Variants in RDH11 observed in about 807,000 individuals in gnomAD.
RDH11 encodes retinol dehydrogenase 11.
A neutral mutation model predicts 33.4 loss-of-function variants in RDH11; 19 were observed. That is an observed-to-expected ratio of 0.57 (90% CI 0.40 to 0.83). RDH11 has a LOEUF of 0.83. Ranked by LOEUF, RDH11 falls within the 40% of genes least tolerant of loss-of-function variation. RDH11 has a pLI of 0.00. For synonymous variants in RDH11, 154 were observed against 155.3 expected, an observed-to-expected ratio of 0.99 and a Z score of 0.06; for missense variants, 353 against 389.0, an observed-to-expected ratio of 0.91 and a Z score of 0.78.
chr14:67,687,090 T>A, intron 5 of RDH11, among the ~76,000 whole-genome samples: 1 of 152,316 alleles, frequency 6.6e-6, no homozygotes, highest in East Asian at 1.9e-4. Context: ...ACCTAAAGCA[T>A]GCATCTCCAG....
intron 6 of RDH11, among the ~76,000 whole-genome samples, chr14:67,681,715 G>A (rs568746393): frequency 6.6e-6 from 1 of 152,272 alleles, no homozygotes; most frequent in African/African-American, 2.4e-5. Flanking sequence ...CCAGGAGGCG[G>A]AGGTTGCAGT....
chr14:67,688,610 T>C (rs997103140), intron 5 of RDH11, among the ~76,000 whole-genome samples: 1 of 151,702 alleles, frequency 6.6e-6, no homozygotes, highest in African/African-American at 2.4e-5. Context: ...TTTTTTTTTT[T>C]TTTTGGTAGA....
intron 6 of RDH11, 120 bp downstream of exon 6, chr14:67,684,895 G>C: frequency 5.7e-6 from 4 of 706,852 alleles, no homozygotes; most frequent in South Asian, 2.5e-5. Flanking sequence ...AAAAACTCTA[G>C]AGTTAAAAGA....
At position 67,693,949 on chromosome 14, in the gene RDH11, C is replaced by T. The variant is rs557649979; in HGVS notation, c.75-897G>A. On this transcript the variant is annotated intron_variant, in intron 1 of 6. Coordinates refer to ENST00000381346, the MANE Select transcript of RDH11 (RefSeq NM_016026.4). ...TACAGGTGTGAGTCACCAAGCCCAGCCTAGAGTGCTTGTTTCTAAGTACTA... is the reference window on the plus strand; with the variant it reads ...TACAGGTGTGAGTCACCAAGCCCAGTCTAGAGTGCTTGTTTCTAAGTACTA... Among the ~76,000 whole-genome samples the T allele has an allele frequency of 3.9e-5, 6 of 152,286 alleles. No homozygotes were observed. The South Asian group carries it at 1.0e-3, about 26-fold the overall frequency.
At chr14:67,685,410 G>C (rs578095620) in intron 5 of RDH11, among the ~76,000 whole-genome samples, 1 of 152,238 alleles carries the variant, frequency 6.6e-6, no homozygotes, top group South Asian at 2.1e-4. Flanking sequence ...AAGGACCTCT[G>C]TGTATTTCTG....
chr14:67,690,637 G>C (rs1486414294), intron 4 of RDH11: 2 of 539,372 alleles, frequency 3.7e-6, no homozygotes, highest in African/African-American at 1.9e-5. Context: ...GATAGGTCTA[G>C]ACTATGTGAA....
At chr14:67,691,490 G>C (rs2037750130) in intron 3 of RDH11, 2 of 382,332 alleles carry the variant, frequency 5.2e-6, no homozygotes, top group Non-Finnish European at 9.5e-6. Flanking sequence ...TAGTTCAGGA[G>C]CTACTTACTC....
intron 5 of RDH11, 21 bp downstream of exon 5, chr14:67,690,191 A>T: frequency 6.2e-7 from 1 of 1,605,668 alleles, no homozygotes. Flanking sequence ...ATGTCTCCAC[A>T]TTCATTTCCT....
At chr14:67,692,154 C>A (rs1266679891) in intron 3 of RDH11, 1 of 320,574 alleles carries the variant, frequency 3.1e-6, no homozygotes, top group Non-Finnish European at 5.8e-6. Flanking sequence ...AGTATTTAGA[C>A]CCCAGACCCT....
intron 3 of RDH11, 45 bp from the exon 4 acceptor site, chr14:67,691,289 T>C (rs1345574481): frequency 7.3e-7 from 1 of 1,363,546 alleles, no homozygotes; most frequent in South Asian, 1.2e-5. Context: ...TAGCCAAGGC[T>C]ATTACATCTT....
At chr14:67,692,192 C>G (rs2037758516) in intron 3 of RDH11, 1 of 451,184 alleles carries the variant, frequency 2.2e-6, no homozygotes, top group African/African-American at 2.1e-5. Flanking sequence ...TGCTGAGACT[C>G]CCATGAGATT....
In RDH11 at chr14:67,690,334, T is replaced by C. The variant is rs748619477; in HGVS notation, c.542A>G (p.His181Arg). 7 of 1,614,078 alleles carry C rather than the reference T, an allele frequency of 4.3e-6. No individual in the cohort carries two copies. The Admixed American group carries it at 1.0e-4, about 23-fold the overall frequency. ...RIVNVSSLAH[H>R]LGRIHFHNLQ... The stretch of plus-strand genomic sequence containing the variant: ...GTTATGGAAGTGGATCCTTCCCAGG[T>C]GATGTGCGAGGGAAGACACATTTAC... Residue 181 changes from histidine to arginine, a missense_variant, in exon 5 of 7, where the codon CAC becomes CGC. Coordinates refer to ENST00000381346, the MANE Select transcript of RDH11 (RefSeq NM_016026.4).
chr14:67,688,539 G>C (rs1226780184), intron 5 of RDH11, among the ~76,000 whole-genome samples: 1 of 152,042 alleles, frequency 6.6e-6, no homozygotes, highest in Non-Finnish European at 1.5e-5. Flanking sequence ...GGGGGAAGAG[G>C]GGAATAAATG....
rs753465132 is a variant in RDH11 at position 67,690,192 on chromosome 14, T to C, written c.664+20A>G. On this transcript the variant is annotated intron_variant, in intron 5 of 6. Coordinates refer to ENST00000381346, the MANE Select transcript of RDH11 (RefSeq NM_016026.4). ...CCTCTCTCTGACTCATGTCTCCACA[T>C]TCATTTCCTCTAGGCCCACCTTTTA... 1.9e-6 allele frequency: 3 copies of C among 1,606,140 alleles called. No homozygotes were observed. Among genetic ancestry groups the C allele is most frequent in the Admixed American group, 3.3e-5 (2 of 60,004 alleles).
At position 67,693,035 on chromosome 14, in the gene RDH11, C is replaced by T. The variant is rs2037772390; in HGVS notation, c.92G>A (p.Gly31Glu). ...AAGCTGAACAGTTGATGTACACACC[C>T]CACTGGACAGCATTTTCCTGCAGAC... ...APQIRKMLSS[G>E]VCTSTVQLPG... Residue 31 changes from glycine (G) to glutamate (E), a missense_variant, in exon 2 of 7, where the codon GGG (glycine) becomes GAG (glutamate). By Grantham distance (98) the Gly-to-Glu change is moderately conservative. Transcript: ENST00000381346. 2 of 1,612,836 alleles carry T rather than the reference C, an allele frequency of 1.2e-6. No individual in the cohort carries two copies. The highest frequency in any genetic ancestry group is 1.7e-6 in the Non-Finnish European group (2 of 1,179,216).
intron 1 of RDH11, among the ~76,000 whole-genome samples, chr14:67,693,326 C>T (rs1426119721): frequency 2.0e-5 from 3 of 152,184 alleles, no homozygotes; most frequent in African/African-American, 7.2e-5. Flanking sequence ...TAGCCAGGCA[C>T]CTGGCTTTGG....
rs745863955 is a variant in RDH11, at chr14:67,695,753, C to G, written c.-50G>C. The G allele has an allele frequency of 8.5e-5, 132 of 1,557,322 alleles. No homozygotes were observed. Among genetic ancestry groups the G allele is most frequent in the Non-Finnish European group, 1.1e-4 (127 of 1,132,434 alleles). On this transcript the variant is annotated 5_prime_UTR_variant, in exon 1 of 7. Transcript: ENST00000381346. Reference sequence around the variant, plus strand: ...AGCGGGATGCTCCAGCGTTGCTCGCCGACTATGGCTTCTCTTTCTAGACAC... The same window carrying G: ...AGCGGGATGCTCCAGCGTTGCTCGCGGACTATGGCTTCTCTTTCTAGACAC...
At chr14:67,687,918 C>T (rs149326947) in intron 5 of RDH11, among the ~76,000 whole-genome samples, 139 of 152,094 alleles carry the variant, frequency 9.1e-4, no homozygotes, top group Middle Eastern at 3.4e-3. Context: ...ATTACAGGCG[C>T]CCGCCACCAC....
chr14:67,684,815 T>C (rs1594849051), intron 6 of RDH11, 200 bp downstream of exon 6: 2 of 452,470 alleles, frequency 4.4e-6, no homozygotes, highest in East Asian at 3.4e-5. Flanking sequence ...TAATTATCAG[T>C]ATAAAAGATG....
Sources: allele counts gnomAD v4.1 joint callset (sites outside exome capture counted in the v4.1 genomes callset), GRCh38; gene constraint gnomAD v4.1.1; transcripts MANE v1.5; gene names NCBI Gene and HGNC (gene_info 2026-07-23, HGNC 2026-07-21).